Variants in CDH5 observed in about 807,000 individuals in gnomAD.
The protein encoded by CDH5 is cadherin 5.
CDH5 carries 28 observed loss-of-function variants against 62.0 expected under a neutral mutation model. The observed-to-expected ratio is 0.45, with a 90% CI of 0.33 to 0.62. CDH5 has a LOEUF of 0.62. CDH5 is among the 20% of genes least tolerant of loss of function. The pLI is 0.02. For missense variants in CDH5, 940 were observed against 1,065.1 expected (o/e 0.88, Z 1.63); for synonymous variants, 464 against 445.8 (o/e 1.04, Z -0.52).
At chr16:66,393,882 T>C (rs1454779076) in intron 7 of CDH5, among the ~76,000 whole-genome samples, 1 of 152,230 alleles carries the variant, frequency 6.6e-6, no homozygotes, top group African/African-American at 2.4e-5. Flanking sequence ...GGACAAAATA[T>C]GTTCTTCCAT....
intron 5 of CDH5, 95 bp downstream of exon 5, chr16:66,389,617 C>A: frequency 2.7e-6 from 3 of 1,109,444 alleles, no homozygotes; most frequent in Non-Finnish European, 3.8e-6. Context: ...ATCACTTTAC[C>A]TCTCCCTCTA....
intron 11 of CDH5, among the ~76,000 whole-genome samples, chr16:66,401,991 C>T (rs1302050581): frequency 2.0e-5 from 3 of 152,190 alleles, no homozygotes; most frequent in African/African-American, 4.8e-5. Context: ...TCTGGGACTT[C>T]TCCAGCAGAG....
intron 2 of CDH5, among the ~76,000 whole-genome samples, chr16:66,385,578 A>C (rs1177386830): frequency 6.6e-6 from 1 of 152,206 alleles, no homozygotes; most frequent in African/African-American, 2.4e-5. Context: ...GATGCGTAGC[A>C]CTTGCCAATT....
chr16:66,401,444 A>T (rs182763352), intron 11 of CDH5, among the ~76,000 whole-genome samples: 1 of 152,366 alleles, frequency 6.6e-6, no homozygotes, highest in East Asian at 1.9e-4. Flanking sequence ...CTTCTAGTTT[A>T]GATTGTCTCC....
intron 2 of CDH5, among the ~76,000 whole-genome samples, chr16:66,384,443 C>T (rs1960949289): frequency 1.3e-5 from 2 of 151,720 alleles, no homozygotes; most frequent in South Asian, 4.2e-4. Flanking sequence ...CACAAAAGCC[C>T]TTGCTCTATT....
intron 1 of CDH5, among the ~76,000 whole-genome samples, chr16:66,369,121 T>A (rs549645838): frequency 6.6e-5 from 10 of 152,272 alleles, no homozygotes; most frequent in Admixed American, 2.0e-4. Context: ...TTCAGGGATT[T>A]CCAGGTTGTC....
chr16:66,388,485 C>A, intron 4 of CDH5, 45 bp downstream of exon 4: 2 of 1,302,670 alleles, frequency 1.5e-6, no homozygotes, highest in South Asian at 1.2e-5. Context: ...TTTGGAGGGA[C>A]AAGGGGAGGT....
chr16:66,403,542 A>C lies in CDH5; in HGVS notation c.*373A>C. The C allele has an allele frequency of 3.8e-6, 1 of 263,470 alleles. No homozygotes were observed. The highest frequency in any genetic ancestry group is 7.4e-6 in the Non-Finnish European group (1 of 135,550). 16.3% of individuals were successfully genotyped at this position (263,470 alleles called of 1,614,324 possible). ...CAGGGTCTTTTTCTAGGGTCCCTGA[A>C]CGCCCTGGTAAGGCTGGTGAGGTCC... On this transcript the variant is annotated 3_prime_UTR_variant, in exon 12 of 12. Transcript: ENST00000341529. The surrounding 1 kb of genome is among the most constrained non-coding windows in gnomAD (Gnocchi z 4.3).
rs374977157 is a variant in CDH5, at chr16:66,402,899, G to C, written c.2085G>C (p.Ala695=). The change falls in exon 12 of 12, where the codon GCG becomes GCC. Residue 695 remains alanine, a synonymous_variant. Coordinates refer to ENST00000341529, the MANE Select transcript of CDH5 (RefSeq NM_001795.5). Reference sequence around the variant, plus strand: ...AGGTGCAGAAGCCACCGAGGCACGCGCCTGGGGCACACGGAGGGCCCGGGG... The same window carrying C: ...AGGTGCAGAAGCCACCGAGGCACGCCCCTGGGGCACACGGAGGGCCCGGGG... The part of the protein sequence containing the change: ...YAQVQKPPRH[A]PGAHGGPGEM... 6.2e-7 allele frequency: 1 copy of C among 1,611,344 alleles called. No homozygotes were observed.
In CDH5 at chr16:66,396,678, G is replaced by A. The variant is rs144547436; in HGVS notation, c.1360+477G>A. Among the ~76,000 whole-genome samples the A allele has an allele frequency of 3.5e-3, 531 of 152,346 alleles. 2 individuals are homozygous for A. Among genetic ancestry groups the A allele is most frequent in the African/African-American group, 0.012 (502 of 41,578 alleles). On this transcript the variant is annotated intron_variant, in intron 8 of 11. Coordinates refer to ENST00000341529, the MANE Select transcript of CDH5 (RefSeq NM_001795.5). The stretch of plus-strand genomic sequence containing the variant: ...CCAGTTAATAGGTAGAATTCAAAAT[G>A]TGAAGCAGCTTCCAATTTTGAGATT...
At chr16:66,372,606 AG>A (rs1377068681) in intron 1 of CDH5, among the ~76,000 whole-genome samples, 1 of 152,176 alleles carries the variant, frequency 6.6e-6, no homozygotes, top group Non-Finnish European at 1.5e-5. Context: ...CAGGTGACTC[AG>A]CCTTCGGAGG....
In CDH5 at chr16:66,390,516, C is replaced by T. The variant is rs1335606003; in HGVS notation, c.895C>T (p.Arg299Trp). 8.7e-6 allele frequency: 14 copies of T among 1,613,998 alleles called. No individual in the cohort carries two copies. The highest frequency in any genetic ancestry group is 1.7e-5 in the Admixed American group (1 of 59,992). The part of the protein sequence containing the change: ...QNRMTKYSIL[R>W]GDYQDAFTIE... ...CCGGATGACCAAGTACAGCATCTTG[C>T]GGGGCGACTACCAGGACGCTTTCAC... is the stretch of plus-strand genomic sequence containing the variant. Residue 299 changes from arginine to tryptophan, a missense_variant, in exon 6 of 12, where the codon CGG becomes TGG. Transcript: ENST00000341529.
chr16:66,374,626 G>A (rs1357467259), intron 1 of CDH5, among the ~76,000 whole-genome samples: 10 of 151,882 alleles, frequency 6.6e-5, no homozygotes, highest in Admixed American at 5.2e-4. Flanking sequence ...CAGGAGCCAC[G>A]TGGTCCGAGC....
At chr16:66,369,222 G>A (rs143524836) in intron 1 of CDH5, among the ~76,000 whole-genome samples, 112 of 152,286 alleles carry the variant, frequency 7.4e-4, no homozygotes, top group Non-Finnish European at 1.2e-3. Flanking sequence ...CCGGGCTGGT[G>A]GTGAATGAGA....
intron 3 of CDH5, among the ~76,000 whole-genome samples, chr16:66,388,055 C>T (rs2142327558): frequency 6.6e-6 from 1 of 152,320 alleles, no homozygotes; most frequent in South Asian, 2.1e-4. Context: ...CTCCCTGACC[C>T]CAACCCTCCG....
At chr16:66,370,999 G>A (rs1234809057) in intron 1 of CDH5, among the ~76,000 whole-genome samples, 1 of 152,106 alleles carries the variant, frequency 6.6e-6, no homozygotes, top group Non-Finnish European at 1.5e-5. Flanking sequence ...GGCAGAACCT[G>A]CAGGGAGAGG....
chr16:66,397,283 G>A (rs1200244570), intron 8 of CDH5, among the ~76,000 whole-genome samples: 2 of 152,036 alleles, frequency 1.3e-5, no homozygotes, highest in African/African-American at 4.8e-5. Context: ...GCAGTGGCAC[G>A]ATCACAGCTC....
At chr16:66,382,138 C>A (rs1960909669) in intron 2 of CDH5, among the ~76,000 whole-genome samples, 1 of 152,164 alleles carries the variant, frequency 6.6e-6, no homozygotes, top group South Asian at 2.1e-4. Context: ...CGGTGTGGCC[C>A]CAGGGTTCAG....
At position 66,391,959 on chromosome 16, in the gene CDH5, C is replaced by A. The variant is rs111289746; in HGVS notation, c.970-177C>A. Among the ~76,000 whole-genome samples, 1,189 of 152,340 alleles carry A rather than the reference C, an allele frequency of 7.8e-3. 14 individuals are homozygous for A. The highest frequency in any genetic ancestry group is 0.038 in the South Asian group (186 of 4,832). ...GAAATGGGGAGCAGCTGAAGACAGA[C>A]ACCAGGCCCAGCCGCTGTCTTGATG... On this transcript the variant is annotated intron_variant, in intron 6 of 11. Coordinates refer to ENST00000341529, the MANE Select transcript of CDH5 (RefSeq NM_001795.5).
Sources: allele counts gnomAD v4.1 joint callset (sites outside exome capture counted in the v4.1 genomes callset), GRCh38; gene constraint gnomAD v4.1.1; non-coding constraint Gnocchi (gnomAD v3.1); transcripts MANE v1.5; gene names NCBI Gene and HGNC (gene_info 2026-07-23, HGNC 2026-07-21).